The following TMTC1 variants were observed in gnomAD, a reference collection of about 807,000 sequenced individuals.
The protein encoded by TMTC1 is transmembrane O-mannosyltransferase targeting cadherins 1, also known as protein O-mannosyl-transferase TMTC1.
In TMTC1, 73 loss-of-function variants were observed where a neutral mutation model predicts 104.8. The observed-to-expected ratio is 0.70, with a 90% confidence interval of 0.58 to 0.85. The LOEUF is 0.85. Among genes scored for constraint, TMTC1 ranks in the 40% least tolerant of loss-of-function variants. The pLI is 0.00. For missense variants in TMTC1, 1,035 were observed against 1,096.1 expected (o/e 0.94, Z 0.79); for synonymous variants, 434 against 428.7 (o/e 1.01, Z -0.15).
intron 10 of TMTC1, among the ~76,000 whole-genome samples, chr12:29,551,526 T>C (rs1230374053): frequency 6.6e-6 from 1 of 152,214 alleles, no homozygotes; most frequent in Non-Finnish European, 1.5e-5. Context: ...TTTATTGTAA[T>C]ACCTACCTAA....
intron 5 of TMTC1, among the ~76,000 whole-genome samples, chr12:29,651,081 A>G (rs1264452646): frequency 6.6e-6 from 1 of 152,190 alleles, no homozygotes; most frequent in Non-Finnish European, 1.5e-5. Context: ...GAGGGGGCAC[A>G]TGACTACTTC....
intron 5 of TMTC1, among the ~76,000 whole-genome samples, chr12:29,674,643 C>T: frequency 6.6e-6 from 1 of 152,210 alleles, no homozygotes; most frequent in East Asian, 1.9e-4. Flanking sequence ...AGGCAGCCAG[C>T]TCAGGAGGAG....
rs990901666 is a variant in TMTC1, at chr12:29,520,825, A to C, written c.1786-105T>G. The C allele has an allele frequency of 8.4e-6, 7 of 828,800 alleles. No individual in the cohort carries two copies. In the African/African-American group the frequency reaches 1.2e-4, roughly 14 times the overall value. 51.3% of individuals were successfully genotyped at this position (828,800 alleles called of 1,614,324 possible). On this transcript the variant is annotated intron_variant, in intron 11 of 17. Transcript: ENST00000539277. ...AGCAAAAAAAAAATAAATCTTACTAAGCACCTAATATACAACAGGCTACTG... is the reference window on the plus strand; with the variant it reads ...AGCAAAAAAAAAATAAATCTTACTACGCACCTAATATACAACAGGCTACTG...
chr12:29,717,083 T>A (rs550560794), intron 5 of TMTC1, among the ~76,000 whole-genome samples: 1 of 152,262 alleles, frequency 6.6e-6, no homozygotes, highest in South Asian at 2.1e-4. Context: ...TATTGATATA[T>A]TTTTAAAATA....
intron 5 of TMTC1, among the ~76,000 whole-genome samples, chr12:29,636,350 A>T (rs996007416): frequency 6.6e-6 from 1 of 152,214 alleles, no homozygotes; most frequent in Non-Finnish European, 1.5e-5. Flanking sequence ...TGACTATGGA[A>T]CATCTGGAAC....
intron 5 of TMTC1, among the ~76,000 whole-genome samples, chr12:29,689,454 C>T (rs1218637593): frequency 1.3e-5 from 2 of 152,088 alleles, no homozygotes; most frequent in Non-Finnish European, 2.9e-5. Context: ...GCTGGGACTA[C>T]AGGCGTGCGC....
chr12:29,678,241 A>G (rs996941367), intron 5 of TMTC1, among the ~76,000 whole-genome samples: 4 of 152,360 alleles, frequency 2.6e-5, no homozygotes, highest in African/African-American at 7.2e-5. Context: ...AAATAAAACC[A>G]TAGAGAAGTG....
In TMTC1 at chr12:29,633,287, C is replaced by A; in HGVS notation, c.988G>T (p.Ala330Ser). Residue 330 changes from alanine to serine, a missense_variant, in exon 6 of 18, where the codon GCA (alanine) becomes TCA (serine). By Grantham distance (99) the Ala-to-Ser change is moderately conservative (BLOSUM62 1). Transcript: ENST00000539277. ...CAGTCATAGCACAGGGTCACGGGTG[C>A]AAGCAGAAGCCACACATTGAAGGCC... is the stretch of plus-strand genomic sequence containing the variant. ...LLAFNVWLLLAPVTLCYDWQV... is the reference protein window; with the variant it reads ...LLAFNVWLLLSPVTLCYDWQV... 1.2e-6 allele frequency: 2 copies of A among 1,613,606 alleles called. No homozygotes were observed. The highest frequency in any genetic ancestry group is 1.7e-6 in the Non-Finnish European group (2 of 1,179,746).
intron 5 of TMTC1, among the ~76,000 whole-genome samples, chr12:29,685,447 C>T (rs1941062462): frequency 6.6e-6 from 1 of 151,144 alleles, no homozygotes; most frequent in African/African-American, 2.4e-5. Context: ...AATTGTAGTG[C>T]TTAAAAGATT....
chr12:29,779,804 T>C (rs1261905766), intron 1 of TMTC1, among the ~76,000 whole-genome samples: 3 of 148,822 alleles, frequency 2.0e-5, no homozygotes, highest in Non-Finnish European at 4.4e-5. Context: ...GTATCTAGAA[T>C]ATATAAAGAA....
chr12:29,617,296 A>G (rs1947008289), intron 6 of TMTC1, among the ~76,000 whole-genome samples: 1 of 152,048 alleles, frequency 6.6e-6, no homozygotes, highest in Admixed American at 6.6e-5. Context: ...GCTTTGTCAA[A>G]GCACTCTTGA....
chr12:29,520,579 C>T (rs1219923460), intron 12 of TMTC1, 39 bp downstream of exon 12: 6 of 1,500,842 alleles, frequency 4.0e-6, no homozygotes, highest in Non-Finnish European at 5.5e-6. Context: ...ATTGTATTAG[C>T]TAATCTCAGC....
intron 9 of TMTC1, among the ~76,000 whole-genome samples, chr12:29,563,948 C>T (rs1029989618): frequency 3.3e-5 from 5 of 152,008 alleles, no homozygotes; most frequent in East Asian, 3.9e-4. Flanking sequence ...AAATGAGAGG[C>T]GCCTGAGACA....
In TMTC1 at chr12:29,589,119, G is replaced by C. The variant is rs117206633; in HGVS notation, c.1251-5545C>G. On this transcript the variant is annotated intron_variant, in intron 7 of 17. Transcript: ENST00000539277. ...CTTATGTAAAGCCCCGATTTACTGA[G>C]CGTGAGAAGAATACATATTTGACTA... Among the ~76,000 whole-genome samples the C allele has an allele frequency of 1.5e-3, 230 of 152,328 alleles. 1 individual carries two copies. The highest frequency in any genetic ancestry group is 2.6e-3 in the Non-Finnish European group (174 of 68,034).
At chr12:29,544,104 C>A (rs558187115) in intron 10 of TMTC1, among the ~76,000 whole-genome samples, 2 of 151,814 alleles carry the variant, frequency 1.3e-5, no homozygotes, top group Non-Finnish European at 2.9e-5. Flanking sequence ...ATTAGCTGGG[C>A]GTGGTGGTGG....
At chr12:29,614,978 G>A (rs969044582) in intron 6 of TMTC1, among the ~76,000 whole-genome samples, 2 of 152,210 alleles carry the variant, frequency 1.3e-5, no homozygotes, top group African/African-American at 4.8e-5. Flanking sequence ...AAATCAGAAG[G>A]AACTGTGGTG....
At chr12:29,715,552 G>T (rs1052153030) in intron 5 of TMTC1, among the ~76,000 whole-genome samples, 4 of 152,064 alleles carry the variant, frequency 2.6e-5, no homozygotes, top group African/African-American at 9.7e-5. Flanking sequence ...TATTTATTAT[G>T]GCCCAGGAAC....
intron 6 of TMTC1, among the ~76,000 whole-genome samples, chr12:29,626,094 T>C (rs142592441): frequency 2.0e-5 from 3 of 152,334 alleles, no homozygotes; most frequent in East Asian, 1.9e-4. Context: ...TTCATTTAGA[T>C]AATAGATACT....
At chr12:29,637,117 C>A (rs1190236034) in intron 5 of TMTC1, among the ~76,000 whole-genome samples, 1 of 151,026 alleles carries the variant, frequency 6.6e-6, no homozygotes, top group Admixed American at 6.7e-5. Context: ...CACACACACA[C>A]ACACACAAAA....
Sources: gnomAD v4.1 joint callset for allele counts (sites outside exome capture counted in the v4.1 genomes callset) on GRCh38, gnomAD v4.1.1 for gene constraint, MANE v1.5 for transcripts, NCBI Gene and HGNC (gene_info 2026-07-23, HGNC 2026-07-21) for gene names.